Variants in CDC14B observed in about 807,000 individuals in gnomAD.
CDC14B encodes the protein cell division cycle 14B, also known as dual specificity protein phosphatase CDC14B.
In CDC14B, 22 loss-of-function variants were observed where a neutral mutation model predicts 64.2. The ratio of observed to expected loss-of-function variants is 0.34; its 90% CI spans 0.24 to 0.49. CDC14B has a LOEUF of 0.49. Ranked by LOEUF, CDC14B falls within the 20% of genes least tolerant of loss-of-function variation. CDC14B has a pLI of 0.99. For synonymous variants in CDC14B, 191 were observed against 215.8 expected, an observed-to-expected ratio of 0.89 and a Z score of 1.01; for missense variants, 498 against 629.9, an observed-to-expected ratio of 0.79 and a Z score of 2.24.
At position 96,523,266 on chromosome 9, in the gene CDC14B, C is replaced by T. The variant is rs775276616; in HGVS notation, c.1240G>A (p.Glu414Lys). The change falls in exon 11 of 14, where the codon GAA becomes AAA. Residue 414 changes from glutamate to lysine, a missense_variant. By Grantham distance (56) the Glu-to-Lys change is moderately conservative (BLOSUM62 1). Transcript: ENST00000375241. ...AACAGAAACGGCTTGATTACCGGTT[C>T]GGGTTCTTGCTGATCTTGATTCTCG... ...GVENQDQQEP[E>K]PYSDDDEING... 17 of 1,613,748 alleles carry T rather than the reference C, an allele frequency of 1.1e-5. No individual in the cohort carries two copies. Among genetic ancestry groups the T allele is most frequent in the South Asian group, 5.5e-5 (5 of 91,072 alleles).
chr9:96,547,663 G>C (rs1024055009), intron 5 of CDC14B, among the ~76,000 whole-genome samples: 26 of 151,950 alleles, frequency 1.7e-4, no homozygotes, highest in African/African-American at 5.8e-4. Context: ...ATGCTGCAAG[G>C]CTGATCTTCC....
At chr9:96,548,047 G>C (rs912758579) in intron 5 of CDC14B, among the ~76,000 whole-genome samples, 1 of 151,866 alleles carries the variant, frequency 6.6e-6, no homozygotes, top group Non-Finnish European at 1.5e-5. Context: ...GGATGGTCTC[G>C]ATCTCCTGAC....
intron 1 of CDC14B, among the ~76,000 whole-genome samples, chr9:96,574,187 A>G (rs937625447): frequency 1.3e-5 from 2 of 152,014 alleles, no homozygotes; most frequent in African/African-American, 2.4e-5. Context: ...CTGTTCTATC[A>G]CATATTAAAA....
chr9:96,506,566 C>T (rs796480948), intron 13 of CDC14B, among the ~76,000 whole-genome samples: 4 of 152,332 alleles, frequency 2.6e-5, no homozygotes, highest in African/African-American at 9.6e-5. Context: ...CACTGTTAGA[C>T]TCCTTTTGCT....
In CDC14B at chr9:96,515,241, G is replaced by A. The variant is rs1284362988; in HGVS notation, c.1344-5452C>T. On this transcript the variant is annotated intron_variant, in intron 12 of 13. Transcript: ENST00000375241. This position sits in a 1 kb window ranked among gnomAD's most constrained non-coding sequence, Gnocchi z 4.3. Reference sequence around the variant, plus strand: ...AATGCTTCTTTGCTAGACTGGGAAGGACATACTCAAGATACAGAAAACTAG... The same window carrying A: ...AATGCTTCTTTGCTAGACTGGGAAGAACATACTCAAGATACAGAAAACTAG... Among the ~76,000 whole-genome samples the A allele has an allele frequency of 6.6e-6, 1 of 152,126 alleles. No individual in the cohort carries two copies. The highest frequency in any genetic ancestry group is 2.4e-5 in the African/African-American group (1 of 41,426).
chr9:96,578,550 A>G (rs1301286898), intron 1 of CDC14B, among the ~76,000 whole-genome samples: 1 of 152,212 alleles, frequency 6.6e-6, no homozygotes, highest in East Asian at 1.9e-4. Flanking sequence ...CATGCCAAAA[A>G]TCCAGTCTAG....
Position 96,503,547 on chromosome 9 carries a change from C to T in CDC14B, c.*206G>A. ...GCATGTTTGTCATTCAGCTTGAGAGCTGGACCCTTCTCTGAGTCATTTGCT... is the reference window on the plus strand; with the variant it reads ...GCATGTTTGTCATTCAGCTTGAGAGTTGGACCCTTCTCTGAGTCATTTGCT... On this transcript the variant is annotated 3_prime_UTR_variant, in exon 14 of 14. Coordinates refer to ENST00000375241, the MANE Select transcript of CDC14B (RefSeq NM_033331.4). 1.7e-6 allele frequency: 1 copy of T among 585,616 alleles called. No homozygotes were observed. The highest frequency in any genetic ancestry group is 2.1e-5 in the South Asian group (1 of 47,068). 36.3% of individuals were successfully genotyped at this position (585,616 alleles called of 1,614,324 possible).
intron 1 of CDC14B, among the ~76,000 whole-genome samples, chr9:96,591,392 C>T (rs932593884): frequency 2.8e-4 from 42 of 152,258 alleles, no homozygotes; most frequent in Admixed American, 2.6e-4. Flanking sequence ...ATCATTTAAC[C>T]ATATACATAA....
intron 1 of CDC14B, among the ~76,000 whole-genome samples, chr9:96,587,715 G>A (rs1195266565): frequency 1.3e-5 from 2 of 152,194 alleles, no homozygotes; most frequent in Non-Finnish European, 2.9e-5. Context: ...GAATGGGAGA[G>A]GCGGCACCAA....
chr9:96,561,173 G>A (rs142086846), intron 4 of CDC14B, among the ~76,000 whole-genome samples: 1 of 152,192 alleles, frequency 6.6e-6, no homozygotes, highest in African/African-American at 2.4e-5. Flanking sequence ...CTGACCTCAA[G>A]TGATCTGCCT....
chr9:96,566,924 CGCGCGGG>C lies in CDC14B; in HGVS notation c.161-1448_161-1442del, dbSNP rs1844082795. 4 of 1,525,312 alleles carry C rather than the reference CGCGCGGG, an allele frequency of 2.6e-6. No homozygotes were observed. The South Asian group carries it at 4.9e-5, about 19-fold the overall frequency. 94.5% of individuals were successfully genotyped at this position (1,525,312 alleles called of 1,614,324 possible). A position where few individuals can be genotyped will look rare whatever the true frequency, so the allele number is the denominator to read the frequency against. On this transcript the variant is annotated intron_variant, in intron 1 of 13. Transcript: ENST00000375241. The stretch of plus-strand genomic sequence containing the variant: ...GTTTAAAAAACAAAGTTTAAAGGGC[CGCGCGGG>C]GCAGCGGGCGCAGCGACACCCCTCG...
At chr9:96,607,703 G>C (rs944512118) in intron 1 of CDC14B, among the ~76,000 whole-genome samples, 42 of 152,132 alleles carry the variant, frequency 2.8e-4, no homozygotes, top group Non-Finnish European at 5.6e-4. Context: ...GATTACAGGC[G>C]TGAGCCACCG....
intron 7 of CDC14B, among the ~76,000 whole-genome samples, 179 bp from the exon 8 acceptor site, chr9:96,534,721 C>T (rs1401825428): frequency 6.6e-6 from 1 of 152,156 alleles, no homozygotes; most frequent in Non-Finnish European, 1.5e-5. Flanking sequence ...AGGGAATGGA[C>T]GTATATCCTG....
chr9:96,547,205 C>T (rs1476459431), intron 5 of CDC14B, among the ~76,000 whole-genome samples: 1 of 151,932 alleles, frequency 6.6e-6, no homozygotes, highest in African/African-American at 2.4e-5. Context: ...TGGCTCATGC[C>T]TGTAATTCCA....
intron 9 of CDC14B, 94 bp downstream of exon 9, chr9:96,533,833 T>C: frequency 2.8e-6 from 2 of 712,536 alleles, no homozygotes; most frequent in Non-Finnish European, 4.3e-6. Flanking sequence ...GGCAGTTTCA[T>C]GTTCTGACAC....
rs924560079 is a variant in CDC14B, at chr9:96,500,530, T to C, written c.*3223A>G. ...CTACCAGGTAATTAAGGAGGTAATT[T>C]CCTACACAGTATAGGTGAATTGTCC... On this transcript the variant is annotated 3_prime_UTR_variant, in exon 14 of 14. Coordinates refer to ENST00000375241, the MANE Select transcript of CDC14B (RefSeq NM_033331.4). 1 of 152,654 alleles carries C rather than the reference T, an allele frequency of 6.6e-6. No homozygotes were observed. Among genetic ancestry groups the C allele is most frequent in the African/African-American group, 2.4e-5 (1 of 41,460 alleles). 9.5% of individuals were successfully genotyped at this position (152,654 alleles called of 1,614,324 possible).
intron 1 of CDC14B, among the ~76,000 whole-genome samples, chr9:96,592,696 C>T (rs2118637832): frequency 6.6e-6 from 1 of 152,158 alleles, no homozygotes; most frequent in East Asian, 1.9e-4. Flanking sequence ...TCACTTGAAC[C>T]TGGGAGGTGG....
chr9:96,585,785 T>C (rs777073697), intron 1 of CDC14B, among the ~76,000 whole-genome samples: 24 of 152,198 alleles, frequency 1.6e-4, no homozygotes, highest in Non-Finnish European at 2.5e-4. Flanking sequence ...AATTAGTATG[T>C]GTGTCTACAA....
At chr9:96,549,541 T>C (rs556231873) in intron 5 of CDC14B, among the ~76,000 whole-genome samples, 3 of 152,206 alleles carry the variant, frequency 2.0e-5, no homozygotes, top group East Asian at 1.9e-4. Context: ...GGCACACGCC[T>C]GTAGTCCTAG....
Sources: allele counts gnomAD v4.1 joint callset (sites outside exome capture counted in the v4.1 genomes callset), GRCh38; gene constraint gnomAD v4.1.1; non-coding constraint Gnocchi (gnomAD v3.1); transcripts MANE v1.5; gene names NCBI Gene and HGNC (gene_info 2026-07-23, HGNC 2026-07-21).